Variants in TLE1 observed in about 807,000 individuals in gnomAD.
TLE1 encodes the protein transducin-like enhancer protein 1.
In TLE1, 21 loss-of-function variants were observed where a neutral mutation model predicts 89.8. That is an observed-to-expected ratio of 0.23 (90% CI 0.17 to 0.34). TLE1 has a LOEUF of 0.34. TLE1 is among the 10% of genes least tolerant of loss of function. The probability of loss-of-function intolerance (pLI) is 1.00; values close to 1 mark genes in which losing one functional copy is unlikely to be tolerated. For synonymous variants in TLE1, 447 were observed against 407.6 expected (o/e 1.10, Z -1.16); for missense variants, 795 against 1,031.2 (o/e 0.77, Z 3.14).
intron 14 of TLE1, among the ~76,000 whole-genome samples, chr9:81,603,013 G>A (rs185868608): frequency 1.2e-4 from 18 of 152,220 alleles, no homozygotes; most frequent in African/African-American, 3.6e-4. Flanking sequence ...TCTTAACACC[G>A]GAAACAGGAG....
At chr9:81,631,130 G>A (rs186041319) in intron 8 of TLE1, among the ~76,000 whole-genome samples, 9 of 152,316 alleles carry the variant, frequency 5.9e-5, no homozygotes, top group East Asian at 1.9e-4. Flanking sequence ...TAGAAAGTTC[G>A]TTGACTGCTA....
chr9:81,626,862 A>G (rs541432537), intron 8 of TLE1, among the ~76,000 whole-genome samples: 2 of 152,320 alleles, frequency 1.3e-5, no homozygotes, highest in Admixed American at 1.3e-4. Context: ...CAAACTCTGG[A>G]GCAGACAATA....
chr9:81,652,327 CA>C, intron 5 of TLE1, 39 bp from the exon 6 acceptor site: 1 of 1,568,476 alleles, frequency 6.4e-7, no homozygotes, highest in Non-Finnish European at 8.8e-7. Flanking sequence ...TAGCAACAGC[CA>C]AAAACTTCAC....
intron 4 of TLE1, among the ~76,000 whole-genome samples, chr9:81,663,102 C>G (rs1564050354): frequency 6.6e-6 from 1 of 152,154 alleles, no homozygotes; most frequent in East Asian, 1.9e-4. Context: ...CGCCTCGGCC[C>G]CCCAAAGTGC....
chr9:81,637,499 G>GC (rs1827540808), intron 6 of TLE1, among the ~76,000 whole-genome samples: 1 of 152,152 alleles, frequency 6.6e-6, no homozygotes, highest in Non-Finnish European at 1.5e-5. Context: ...TCTATCAACA[G>GC]CAACATTCAA....
chr9:81,674,440 G>T (rs535072806), intron 4 of TLE1, among the ~76,000 whole-genome samples: 1 of 152,240 alleles, frequency 6.6e-6, no homozygotes, highest in Admixed American at 6.5e-5. Context: ...ACACACTGGG[G>T]TCCTCAATGA....
chr9:81,688,061 C>G (rs1053622190), intron 1 of TLE1, among the ~76,000 whole-genome samples, 156 bp downstream of exon 1: 35 of 152,000 alleles, frequency 2.3e-4, no homozygotes. Context: ...GGCCCACTCC[C>G]CACCCCAGGA....
At chr9:81,652,835 C>T (rs1258023172) in intron 5 of TLE1, among the ~76,000 whole-genome samples, 1 of 151,992 alleles carries the variant, frequency 6.6e-6, no homozygotes, top group Non-Finnish European at 1.5e-5. Flanking sequence ...ATATTAAATC[C>T]GTTGATTGGT....
chr9:81,591,872 A>G (rs534091696), intron 15 of TLE1, among the ~76,000 whole-genome samples: 1 of 152,310 alleles, frequency 6.6e-6, no homozygotes, highest in African/African-American at 2.4e-5. Context: ...TTTCCAAAAC[A>G]CCGCCACTCT....
At chr9:81,611,389 TTCAA>T (rs1233789568) in intron 13 of TLE1, among the ~76,000 whole-genome samples, 6 of 152,040 alleles carry the variant, frequency 3.9e-5, no homozygotes, top group African/African-American at 7.2e-5. Context: ...AAAAAAAAAG[TTCAA>T]GAAAATGAAT....
At chr9:81,585,679 C>T (rs756729498) in intron 17 of TLE1, 24 bp from the exon 18 acceptor site, 8 of 1,611,724 alleles carry the variant, frequency 5.0e-6, no homozygotes, top group Non-Finnish European at 6.8e-6. Flanking sequence ...GACAGGCTCA[C>T]TCATTATTCC....
At chr9:81,678,453 C>G (rs1055417196) in intron 4 of TLE1, among the ~76,000 whole-genome samples, 6 of 152,142 alleles carry the variant, frequency 3.9e-5, no homozygotes, top group Non-Finnish European at 7.3e-5. Context: ...CTCCTGGGCT[C>G]AAGTGATCCT....
intron 4 of TLE1, among the ~76,000 whole-genome samples, chr9:81,682,678 G>A (rs1473742802): frequency 6.6e-6 from 1 of 152,104 alleles, no homozygotes; most frequent in African/African-American, 2.4e-5. Flanking sequence ...AAACCACCAG[G>A]CTCACATCAA....
chr9:81,619,850 G>A (rs949226372), intron 9 of TLE1, among the ~76,000 whole-genome samples: 1 of 152,178 alleles, frequency 6.6e-6, no homozygotes, highest in Admixed American at 6.5e-5. Flanking sequence ...CTCATCTACA[G>A]AATTTAAACA....
chr9:81,682,339 G>A (rs1337035703), intron 4 of TLE1, among the ~76,000 whole-genome samples: 1 of 151,752 alleles, frequency 6.6e-6, no homozygotes, highest in Non-Finnish European at 1.5e-5. Flanking sequence ...GTGGCCTTGA[G>A]CAAGTCCCAG....
At chr9:81,674,875 C>T (rs1333069436) in intron 4 of TLE1, among the ~76,000 whole-genome samples, 2 of 152,192 alleles carry the variant, frequency 1.3e-5, no homozygotes, top group South Asian at 4.2e-4. Flanking sequence ...TACATGGACG[C>T]CAGGTGTGGT....
chr9:81,684,202 C>T (rs1833973315), intron 4 of TLE1, among the ~76,000 whole-genome samples: 1 of 150,604 alleles, frequency 6.6e-6, no homozygotes, highest in African/African-American at 2.4e-5. Context: ...GCATAATTCA[C>T]TTAAATGACG....
intron 8 of TLE1, among the ~76,000 whole-genome samples, chr9:81,629,729 GAAT>G (rs754482572): frequency 3.3e-5 from 5 of 152,166 alleles, no homozygotes; most frequent in Non-Finnish European, 7.3e-5. Context: ...TTACTGTCCT[GAAT>G]ATTACAGGCA....
chr9:81,629,068 T>C (rs1826251762), intron 8 of TLE1, among the ~76,000 whole-genome samples: 2 of 152,156 alleles, frequency 1.3e-5, no homozygotes, highest in Non-Finnish European at 2.9e-5. Context: ...AACAAATGTT[T>C]AACTGTGACA....
Sources: gnomAD v4.1 joint callset for allele counts (sites outside exome capture counted in the v4.1 genomes callset) on GRCh38, gnomAD v4.1.1 for gene constraint, MANE v1.5 for transcripts, NCBI Gene and HGNC (gene_info 2026-07-23, HGNC 2026-07-21) for gene names.